The following USP25 variants were observed in gnomAD, a reference collection of about 807,000 sequenced individuals.
USP25 encodes ubiquitin carboxyl-terminal hydrolase 25.
In USP25, 85 loss-of-function variants were observed where a neutral mutation model predicts 158.5. The ratio of observed to expected loss-of-function variants is 0.54; its 90% CI spans 0.45 to 0.64. The LOEUF is 0.64. Ranked by LOEUF, USP25 falls within the 30% of genes least tolerant of loss-of-function variation. The pLI is 0.00. For synonymous variants in USP25, 464 were observed against 460.4 expected (o/e 1.01, Z -0.10); for missense variants, 1,242 against 1,327.3 (o/e 0.94, Z 1.00).
At chr21:15,808,941 A>G (rs1347489818) in intron 8 of USP25, 56 bp downstream of exon 8, 1 of 1,221,548 alleles carries the variant, frequency 8.2e-7, no homozygotes, top group Non-Finnish European at 1.2e-6. Flanking sequence ...GATAGCATGT[A>G]TTAAATGTCA....
intron 1 of USP25, among the ~76,000 whole-genome samples, chr21:15,757,326 C>T (rs374231066): frequency 1.3e-5 from 2 of 152,090 alleles, no homozygotes; most frequent in Middle Eastern, 3.2e-3. Context: ...TCTTTTCCAC[C>T]TGGCCTTCTC....
chr21:15,777,028 A>T (rs979697748), intron 3 of USP25, among the ~76,000 whole-genome samples: 4 of 152,220 alleles, frequency 2.6e-5, no homozygotes, highest in Non-Finnish European at 4.4e-5. Flanking sequence ...TGTTGAAATG[A>T]TAATGGGAGT....
At chr21:15,736,538 T>C (rs1382550744) in intron 1 of USP25, among the ~76,000 whole-genome samples, 4 of 152,128 alleles carry the variant, frequency 2.6e-5, no homozygotes, top group Non-Finnish European at 5.9e-5. Context: ...ATAGACCAAA[T>C]TTTCATTGTA....
chr21:15,749,027 T>C (rs1165924733), intron 1 of USP25, among the ~76,000 whole-genome samples: 1 of 152,088 alleles, frequency 6.6e-6, no homozygotes, highest in Non-Finnish European at 1.5e-5. Flanking sequence ...TTTTTTTAAT[T>C]TTTTTTTCTT....
intron 18 of USP25, among the ~76,000 whole-genome samples, chr21:15,844,277 A>G (rs1210210866): frequency 6.6e-6 from 1 of 152,140 alleles, no homozygotes; most frequent in African/African-American, 2.4e-5. Flanking sequence ...CTAGAAGCTA[A>G]ATTGCACAGG....
At chr21:15,799,088 G>C (rs969996938) in intron 5 of USP25, among the ~76,000 whole-genome samples, 1 of 151,164 alleles carries the variant, frequency 6.6e-6, no homozygotes, top group Non-Finnish European at 1.5e-5. Flanking sequence ...GATACATTGT[G>C]ATATTTTCCA....
At chr21:15,817,891 G>A (rs2037026968) in intron 9 of USP25, among the ~76,000 whole-genome samples, 1 of 152,086 alleles carries the variant, frequency 6.6e-6, no homozygotes. Flanking sequence ...AACCGTATCA[G>A]TGACTTTGCA....
chr21:15,813,953 C>T (rs1389258477), intron 9 of USP25, among the ~76,000 whole-genome samples: 2 of 151,436 alleles, frequency 1.3e-5, no homozygotes, highest in Non-Finnish European at 2.9e-5. Flanking sequence ...GATTGTATCT[C>T]GCAGAATTCC....
chr21:15,878,407 C>A lies in USP25; in HGVS notation c.3310C>A (p.His1104Asn). ...ACCGAAGTTACCTTCATATTCCACG[C>A]ATGAACTCTGTGAGCGATTTGCCCG... is the stretch of plus-strand genomic sequence containing the variant. ...EPPKLPSYST[H>N]ELCERFARIM... The change falls in exon 26 of 26, where the codon CAT becomes AAT. Residue 1104 changes from histidine to asparagine, a missense_variant. This residue lies in a region of USP25 where 608 missense variants were observed against 605.2 expected (regional missense o/e 1.00). Transcript: ENST00000400183. 6.2e-7 allele frequency: 1 copy of A among 1,614,082 alleles called. No homozygotes were observed. Among genetic ancestry groups the A allele is most frequent in the Non-Finnish European group, 8.5e-7 (1 of 1,179,964 alleles).
chr21:15,807,546 C>T (rs2036453720), intron 7 of USP25, among the ~76,000 whole-genome samples: 1 of 152,224 alleles, frequency 6.6e-6, no homozygotes, highest in African/African-American at 2.4e-5. Flanking sequence ...CAGGGCCACA[C>T]TTCCTCCATT....
chr21:15,838,785 T>C lies in USP25; in HGVS notation c.2195-3613T>C, dbSNP rs142729660. Among the ~76,000 whole-genome samples, 480 of 152,320 alleles carry C rather than the reference T, an allele frequency of 3.2e-3. 1 individual carries two copies. The highest frequency in any genetic ancestry group is 0.011 in the African/African-American group (458 of 41,582). Reference sequence around the variant, plus strand: ...AGAGATGTTGGTCTTATTTTTATAGTTAAGAGCAACCCTTACTCTTTAATA... The same window carrying C: ...AGAGATGTTGGTCTTATTTTTATAGCTAAGAGCAACCCTTACTCTTTAATA... On this transcript the variant is annotated intron_variant, in intron 17 of 25. Transcript: ENST00000400183.
At chr21:15,825,228 T>A (rs948943079) in intron 12 of USP25, among the ~76,000 whole-genome samples, 167 bp downstream of exon 12, 1 of 152,230 alleles carries the variant, frequency 6.6e-6, no homozygotes, top group East Asian at 1.9e-4. Context: ...TAGTAGACTT[T>A]AAAAAATTAT....
At chr21:15,751,860 T>C (rs1568759106) in intron 1 of USP25, among the ~76,000 whole-genome samples, 1 of 152,238 alleles carries the variant, frequency 6.6e-6, no homozygotes, top group East Asian at 1.9e-4. Flanking sequence ...AGAAATACAT[T>C]TAGAGTTTCT....
chr21:15,847,759 G>C lies in USP25; in HGVS notation c.2434G>C (p.Gly812Arg), dbSNP rs1048596153. 9.0e-6 allele frequency: 14 copies of C among 1,549,174 alleles called. No individual in the cohort carries two copies. The highest frequency in any genetic ancestry group is 1.2e-5 in the Non-Finnish European group (14 of 1,145,776). The stretch of plus-strand genomic sequence containing the variant: ...GAAATTTATGATTGAATCAAAGGAG[G>C]GGGGGTATGATGACGAGGTACCTTT... The part of the protein sequence containing the change: ...VGKFMIESKE[G>R]GYDDEIMMTP... The change falls in exon 19 of 26, where the codon GGG becomes CGG. Residue 812 changes from glycine to arginine, a missense_variant. Around this residue, in one of 3 missense-constraint regions of USP25, gnomAD observed 608 missense variants for 605.2 expected, o/e 1.00. Transcript: ENST00000400183.
At position 15,878,425 on chromosome 21, in the gene USP25, T is replaced by C; in HGVS notation, c.3328T>C (p.Phe1110Leu). The change falls in exon 26 of 26, where the codon TTT (phenylalanine) becomes CTT (leucine). Residue 1110 changes from phenylalanine to leucine, a missense_variant. Phe to Leu is a conservative substitution (Grantham distance 22, BLOSUM62 0). This residue lies in a region of USP25 where 608 missense variants were observed against 605.2 expected (regional missense o/e 1.00). Transcript: ENST00000400183. ...TTCCACGCATGAACTCTGTGAGCGA[T>C]TTGCCCGAATCATGTTGTCCCTCAG... ...SYSTHELCER[F>L]ARIMLSLSRT... 6.2e-7 allele frequency: 1 copy of C among 1,614,076 alleles called. No homozygotes were observed. The highest frequency in any genetic ancestry group is 8.5e-7 in the Non-Finnish European group (1 of 1,179,934).
chr21:15,869,991 G>C, intron 22 of USP25, 77 bp from the exon 23 acceptor site: 1 of 1,037,752 alleles, frequency 9.6e-7, no homozygotes, highest in Non-Finnish European at 1.4e-6. Context: ...GCGAAACAGT[G>C]CATTACTTTT....
chr21:15,847,050 G>T (rs547721136), intron 18 of USP25, among the ~76,000 whole-genome samples: 1 of 152,088 alleles, frequency 6.6e-6, no homozygotes, highest in Non-Finnish European at 1.5e-5. Context: ...ATATACTGGA[G>T]CCTCATAGGC....
intron 1 of USP25, among the ~76,000 whole-genome samples, chr21:15,740,492 A>C (rs2031932699): frequency 6.6e-6 from 1 of 152,010 alleles, no homozygotes; most frequent in Non-Finnish European, 1.5e-5. Flanking sequence ...TCTGGCCAAC[A>C]TCTCTATGGA....
chr21:15,737,494 C>G (rs933721770), intron 1 of USP25, among the ~76,000 whole-genome samples: 3 of 152,070 alleles, frequency 2.0e-5, no homozygotes, highest in Non-Finnish European at 4.4e-5. Flanking sequence ...CTTATCCTAT[C>G]CCTTTACTTT....
Sources: allele counts gnomAD v4.1 joint callset (sites outside exome capture counted in the v4.1 genomes callset), GRCh38; gene constraint gnomAD v4.1.1; regional missense constraint gnomAD v4.1.1; transcripts MANE v1.5; gene names NCBI Gene and HGNC (gene_info 2026-07-23, HGNC 2026-07-21).